Variants in TM7SF3 observed in about 807,000 individuals in gnomAD.
The protein encoded by TM7SF3 is seven span transmembrane protein.
TM7SF3 carries 60 observed loss-of-function variants against 65.5 expected under a neutral mutation model. That is an observed-to-expected ratio of 0.92 (90% CI 0.74 to 1.14). The LOEUF (loss-of-function observed/expected upper bound fraction) is 1.14, where lower values mean the gene tolerates loss of function less well. Ranked by LOEUF, TM7SF3 falls within the 50% of genes most tolerant of loss-of-function variation. TM7SF3 has a pLI of 0.00. For missense variants in TM7SF3, 623 were observed against 684.8 expected, an observed-to-expected ratio of 0.91 and a Z score of 1.01; for synonymous variants, 264 against 259.6, an observed-to-expected ratio of 1.02 and a Z score of -0.16.
intron 6 of TM7SF3, among the ~76,000 whole-genome samples, chr12:26,987,626 G>A (rs1241442546): frequency 6.6e-6 from 1 of 152,176 alleles, no homozygotes; most frequent in Non-Finnish European, 1.5e-5. Context: ...CTCAGAGCAG[G>A]ATGGCAACAA....
intron 5 of TM7SF3, among the ~76,000 whole-genome samples, chr12:26,993,417 T>C (rs937420463): frequency 6.6e-6 from 1 of 152,204 alleles, no homozygotes; most frequent in Non-Finnish European, 1.5e-5. Flanking sequence ...ATATTTCCTG[T>C]AAATAGGGAA....
At chr12:27,011,902 T>C (rs938283560) in intron 1 of TM7SF3, among the ~76,000 whole-genome samples, 4 of 152,202 alleles carry the variant, frequency 2.6e-5, no homozygotes, top group African/African-American at 9.7e-5. Context: ...TTTTTAACTT[T>C]TGTATAAAAA....
At chr12:27,006,791 T>C (rs781500077) in intron 1 of TM7SF3, among the ~76,000 whole-genome samples, 1 of 152,226 alleles carries the variant, frequency 6.6e-6, no homozygotes, top group African/African-American at 2.4e-5. Context: ...AATGCTAGCT[T>C]TACCATTTTA....
At chr12:26,975,775 C>G in intron 10 of TM7SF3, 117 bp from the exon 11 acceptor site, 1 of 1,110,016 alleles carries the variant, frequency 9.0e-7, no homozygotes, top group Non-Finnish European at 1.3e-6. Flanking sequence ...TGAAAAAGGA[C>G]CAGACCCACT....
chr12:26,983,230 T>TG (rs1565870185), intron 6 of TM7SF3, among the ~76,000 whole-genome samples: 2 of 6,970 alleles, frequency 2.9e-4, no homozygotes, highest in East Asian at 4.5e-3. Flanking sequence ...TGGCAGGGAG[T>TG]GGGGGGGAGG....
Position 26,990,556 on chromosome 12 carries a change from G to T in TM7SF3, c.762C>A (p.Tyr254Ter). The change falls in exon 6 of 12, where the codon TAC (tyrosine) becomes TAA (stop). Residue 254 changes from tyrosine (Y) to a stop codon, truncating the protein, a stop_gained. Coordinates refer to ENST00000343028, the MANE Select transcript of TM7SF3 (RefSeq NM_016551.3). LOFTEE classifies it high-confidence loss of function. Reference sequence around the variant, plus strand: ...GAAACGGGTCCCAAACAATGACATTGTATATGACACCTTGTCCCGGGAGGG... The same window carrying T: ...GAAACGGGTCCCAAACAATGACATTTTATATGACACCTTGTCCCGGGAGGG... Reference protein sequence around the residue: ...FSSLPGQGVIYNVIVWDPFLN... With the variant: ...FSSLPGQGVI 6.2e-7 allele frequency: 1 copy of T among 1,613,966 alleles called. No individual in the cohort carries two copies. Among genetic ancestry groups the T allele is most frequent in the East Asian group, 2.2e-5 (1 of 44,874 alleles).
At chr12:26,986,123 C>T (rs113957374) in intron 6 of TM7SF3, among the ~76,000 whole-genome samples, 6,337 of 151,930 alleles carry the variant, frequency 0.042, 435 homozygotes, top group African/African-American at 0.15. Flanking sequence ...CCACCGCACC[C>T]GGCCTGCTTG....
chr12:26,974,686 T>G (rs1939496498), intron 11 of TM7SF3, among the ~76,000 whole-genome samples: 1 of 152,214 alleles, frequency 6.6e-6, no homozygotes, highest in Admixed American at 6.5e-5. Flanking sequence ...TAGGAATGCA[T>G]GAAAAGATTC....
In TM7SF3 at chr12:26,995,298, A is replaced by T; in HGVS notation, c.629T>A (p.Met210Lys). 6.2e-7 allele frequency: 1 copy of T among 1,614,164 alleles called. No homozygotes were observed. Among genetic ancestry groups the T allele is most frequent in the Admixed American group, 1.7e-5 (1 of 60,010 alleles). ...CATCCTCTGCAGATGCTTCAGCAAC[A>T]TCTCCTCAGTGAGGTCATTCTCAGG... The part of the protein sequence containing the change: ...FLPENDLTEE[M>K]LLKHLQRMVS... The change falls in exon 5 of 12, where the codon ATG becomes AAG. Residue 210 changes from methionine (M) to lysine (K), a missense_variant. Transcript: ENST00000343028.
chr12:26,980,592 G>T lies in TM7SF3; in HGVS notation c.1010C>A (p.Thr337Lys). The T allele has an allele frequency of 6.4e-7, 1 of 1,560,742 alleles. No homozygotes were observed. Among genetic ancestry groups the T allele is most frequent in the Non-Finnish European group, 8.8e-7 (1 of 1,136,268 alleles). Residue 337 changes from threonine to lysine, a missense_variant, in exon 8 of 12, where the codon ACA becomes AAA. Physicochemically the swap from Thr to Lys is moderately conservative, Grantham distance 78. Coordinates refer to ENST00000343028, the MANE Select transcript of TM7SF3 (RefSeq NM_016551.3). ...ATCATACTTGATAGGTGTCAGTCTT[G>T]TAATCAGTATATAAAAGAAGAATCC... ...IMGFFFYILI[T>K]RLTPIKYDVN...
At chr12:26,989,668 T>TAC (rs144274236) in intron 6 of TM7SF3, among the ~76,000 whole-genome samples, 24,767 of 150,142 alleles carry the variant, frequency 0.16, 2,171 homozygotes, top group Admixed American at 0.24. Flanking sequence ...AACTGCTAAA[T>TAC]ACACACACAC....
chr12:26,991,318 A>G (rs1297406339), intron 5 of TM7SF3, among the ~76,000 whole-genome samples: 1 of 150,792 alleles, frequency 6.6e-6, no homozygotes, highest in Non-Finnish European at 1.5e-5. Context: ...GCGCCCGGCT[A>G]ATTTTTTGTA....
At chr12:26,990,295 T>C (rs1940291815) in intron 6 of TM7SF3, among the ~76,000 whole-genome samples, 155 bp downstream of exon 6, 1 of 152,260 alleles carries the variant, frequency 6.6e-6, no homozygotes, top group Non-Finnish European at 1.5e-5. Flanking sequence ...CAAGTATTTT[T>C]GCTGTTTTGT....
At chr12:26,991,140 TC>T (rs1314143726) in intron 5 of TM7SF3, among the ~76,000 whole-genome samples, 3 of 137,904 alleles carry the variant, frequency 2.2e-5, no homozygotes, top group East Asian at 4.5e-4. Flanking sequence ...TAGTAGTAGT[TC>T]TTTTTTTTTT....
rs571735833 is a variant in TM7SF3 at position 26,999,268 on chromosome 12, C to A, written c.397+258G>T. 4.6e-5 allele frequency among the ~76,000 whole-genome samples: 7 copies of A among 151,830 alleles called. No homozygotes were observed. The East Asian group carries it at 1.4e-3, about 29-fold the overall frequency. On this transcript the variant is annotated intron_variant, in intron 3 of 11. Transcript: ENST00000343028. ...AAAATTAGCTGGGCCTGGTGGCGGG[C>A]GCCTGTAATCCCAGCTACTTGGGAG...
chr12:27,014,045 T>C (rs372966153), intron 1 of TM7SF3, 33 bp downstream of exon 1: 24 of 1,524,366 alleles, frequency 1.6e-5, no homozygotes, highest in East Asian at 2.4e-5. Context: ...AAAAGCAACT[T>C]TGGGTTGCAG....
intron 6 of TM7SF3, among the ~76,000 whole-genome samples, chr12:26,990,023 A>G (rs1940277002): frequency 6.6e-6 from 1 of 151,820 alleles, no homozygotes; most frequent in Non-Finnish European, 1.5e-5. Flanking sequence ...AGTTCTTCAC[A>G]CCCTCAGACA....
chr12:27,013,118 T>A (rs1045536386), intron 1 of TM7SF3: 3 of 170,258 alleles, frequency 1.8e-5, no homozygotes, highest in South Asian at 1.2e-4. Context: ...AGAACTTCGT[T>A]GATTCTTGTT....
chr12:26,992,905 C>CTTTT (rs1202323508), intron 5 of TM7SF3, among the ~76,000 whole-genome samples: 74 of 109,990 alleles, frequency 6.7e-4, no homozygotes, highest in East Asian at 4.1e-3. Context: ...TCCCTAATGT[C>CTTTT]TTTTTTTTTT....
Sources: gnomAD v4.1 joint callset for allele counts (sites outside exome capture counted in the v4.1 genomes callset) on GRCh38, gnomAD v4.1.1 for gene constraint, MANE v1.5 for transcripts, NCBI Gene and HGNC (gene_info 2026-07-23, HGNC 2026-07-21) for gene names.